The following ZDHHC14 variants were observed in gnomAD, a reference collection of about 807,000 sequenced individuals.
ZDHHC14 encodes zDHHC palmitoyltransferase 14.
A neutral mutation model predicts 47.7 loss-of-function variants in ZDHHC14; 16 were observed. The ratio of observed to expected loss-of-function variants is 0.34; its 90% CI spans 0.23 to 0.51. The LOEUF (loss-of-function observed/expected upper bound fraction) is 0.51, where lower values mean the gene tolerates loss of function less well. ZDHHC14 is among the 20% of genes least tolerant of loss of function. The probability of loss-of-function intolerance (pLI) is 0.97; values close to 1 mark genes in which losing one functional copy is unlikely to be tolerated. For synonymous variants in ZDHHC14, 293 were observed against 278.9 expected, an observed-to-expected ratio of 1.05 and a Z score of -0.50; for missense variants, 515 against 662.5, an observed-to-expected ratio of 0.78 and a Z score of 2.44.
At chr6:157,484,318 CAT>C (rs749902623) in intron 1 of ZDHHC14, among the ~76,000 whole-genome samples, 20 of 133,590 alleles carry the variant, frequency 1.5e-4, no homozygotes, top group South Asian at 9.3e-4. Context: ...TATATATACA[CAT>C]ATATATACGT....
chr6:157,515,460 T>TC (rs976247131), intron 1 of ZDHHC14, among the ~76,000 whole-genome samples: 1 of 143,362 alleles, frequency 7.0e-6, no homozygotes, highest in East Asian at 2.0e-4. Context: ...TCTTTTTCTT[T>TC]TTTTTTTTTT....
chr6:157,474,509 T>C (rs1779430992), intron 1 of ZDHHC14, among the ~76,000 whole-genome samples: 1 of 152,200 alleles, frequency 6.6e-6, no homozygotes, highest in South Asian at 2.1e-4. Context: ...TTATAATAGC[T>C]GTACTCATTT....
chr6:157,482,161 A>C (rs145487825), intron 1 of ZDHHC14, among the ~76,000 whole-genome samples: 2,332 of 152,340 alleles, frequency 0.015, 31 homozygotes, highest in Non-Finnish European at 0.023. Flanking sequence ...AATTGTTTCA[A>C]AATATAAACT....
At chr6:157,590,176 GC>G (rs1783854249) in intron 2 of ZDHHC14, among the ~76,000 whole-genome samples, 1 of 152,226 alleles carries the variant, frequency 6.6e-6, no homozygotes, top group Admixed American at 6.5e-5. Context: ...GCCAGATCAT[GC>G]AGCAGAAAAG....
chr6:157,409,833 A>AT (rs767890001), intron 1 of ZDHHC14, among the ~76,000 whole-genome samples: 2,791 of 146,578 alleles, frequency 0.019, 31 homozygotes, highest in African/African-American at 0.022. Flanking sequence ...TTATTATTTT[A>AT]TTTTTTGGGG....
chr6:157,485,158 C>T (rs1779747763), intron 1 of ZDHHC14, among the ~76,000 whole-genome samples: 1 of 152,128 alleles, frequency 6.6e-6, no homozygotes, highest in South Asian at 2.1e-4. Context: ...ATTATAGACT[C>T]TTGGACCTAG....
rs770871466 is a variant in ZDHHC14 at position 157,647,338 on chromosome 6, G to T, written c.935G>T (p.Cys312Phe). The change falls in exon 7 of 9, where the codon TGT becomes TTT. Residue 312 changes from cysteine to phenylalanine, a missense_variant. Cys to Phe is a radical substitution (Grantham distance 205, BLOSUM62 -2). Transcript: ENST00000359775. ...TACGGAAATATCTTTACCAACTGCT[G>T]TGTTGCCCTGTGTGGGCCCATCTCA... ...YSYGNIFTNC[C>F]VALCGPISPS... 1.2e-6 allele frequency: 2 copies of T among 1,614,092 alleles called. No homozygotes were observed. The highest frequency in any genetic ancestry group is 4.5e-5 in the East Asian group (2 of 44,878).
At position 157,497,425 on chromosome 6, in the gene ZDHHC14, G is replaced by T. The variant is rs148248081; in HGVS notation, c.246-45160G>T. Reference sequence around the variant, plus strand: ...TCTGTGAGTATTCCCGAAGGGCCATGATATATACAAAGTGGTAATAGTTTG... The same window carrying T: ...TCTGTGAGTATTCCCGAAGGGCCATTATATATACAAAGTGGTAATAGTTTG... On this transcript the variant is annotated intron_variant, in intron 1 of 8. Coordinates refer to ENST00000359775, the MANE Select transcript of ZDHHC14 (RefSeq NM_024630.3). Among the ~76,000 whole-genome samples, 80 of 152,320 alleles carry T rather than the reference G, an allele frequency of 5.3e-4. No homozygotes were observed. The East Asian group carries it at 0.015, about 28-fold the overall frequency.
At chr6:157,598,982 TA>T (rs1166692458) in intron 3 of ZDHHC14, among the ~76,000 whole-genome samples, 1 of 152,096 alleles carries the variant, frequency 6.6e-6, no homozygotes, top group Non-Finnish European at 1.5e-5. Context: ...GTAATGCTTT[TA>T]AAAAAAACTT....
chr6:157,469,477 C>T (rs919539884), intron 1 of ZDHHC14, among the ~76,000 whole-genome samples: 6 of 152,196 alleles, frequency 3.9e-5, no homozygotes, highest in African/African-American at 4.8e-5. Flanking sequence ...AGTTGAAAGA[C>T]GTCAGGCAGG....
At chr6:157,524,355 A>C (rs955166908) in intron 1 of ZDHHC14, among the ~76,000 whole-genome samples, 1 of 152,042 alleles carries the variant, frequency 6.6e-6, no homozygotes, top group Non-Finnish European at 1.5e-5. Flanking sequence ...GCTGGTCTCG[A>C]ACTCCTGACC....
chr6:157,604,935 A>G (rs1393656677), intron 3 of ZDHHC14, among the ~76,000 whole-genome samples: 1 of 152,230 alleles, frequency 6.6e-6, no homozygotes, highest in Non-Finnish European at 1.5e-5. Context: ...TATTGGAGTT[A>G]GGGAAGCAGA....
intron 1 of ZDHHC14, among the ~76,000 whole-genome samples, chr6:157,424,082 C>T (rs1778167641): frequency 6.6e-6 from 1 of 152,178 alleles, no homozygotes; most frequent in Non-Finnish European, 1.5e-5. Flanking sequence ...CTGTTCGCAC[C>T]CAAACCAAAT....
rs529186324 is a variant in ZDHHC14 at position 157,490,607 on chromosome 6, A to G, written c.246-51978A>G. 4.6e-5 allele frequency among the ~76,000 whole-genome samples: 7 copies of G among 152,372 alleles called. 2 individuals are homozygous for G. In the South Asian group the frequency reaches 1.5e-3, roughly 32 times the overall value. Reference sequence around the variant, plus strand: ...TGCTGAAAGCACGAATACACAGGAGAATTTCTGGCACAAGGATGAAGTCAA... The same window carrying G: ...TGCTGAAAGCACGAATACACAGGAGGATTTCTGGCACAAGGATGAAGTCAA... On this transcript the variant is annotated intron_variant, in intron 1 of 8. Transcript: ENST00000359775.
At chr6:157,394,173 G>A (rs1370631680) in intron 1 of ZDHHC14, among the ~76,000 whole-genome samples, 3 of 152,106 alleles carry the variant, frequency 2.0e-5, no homozygotes, top group African/African-American at 2.4e-5. Context: ...CCTACCCACC[G>A]CCATCAGGCT....
At chr6:157,410,761 A>T (rs186858914) in intron 1 of ZDHHC14, among the ~76,000 whole-genome samples, 2 of 152,012 alleles carry the variant, frequency 1.3e-5, no homozygotes. Context: ...CAGTGGCATG[A>T]TCTTGGTTCA....
At chr6:157,455,273 A>T (rs922784155) in intron 1 of ZDHHC14, among the ~76,000 whole-genome samples, 1 of 152,250 alleles carries the variant, frequency 6.6e-6, no homozygotes, top group African/African-American at 2.4e-5. Flanking sequence ...GATGTGAGGC[A>T]GCAGAAGTGC....
At chr6:157,445,164 T>TATCATC (rs113595524) in intron 1 of ZDHHC14, among the ~76,000 whole-genome samples, 2 of 142,648 alleles carry the variant, frequency 1.4e-5, no homozygotes, top group Non-Finnish European at 3.0e-5. Context: ...TCTATCTATC[T>TATCATC]ATCATCATCA....
intron 1 of ZDHHC14, among the ~76,000 whole-genome samples, chr6:157,484,590 G>GA (rs953084962): frequency 1.3e-5 from 2 of 149,880 alleles, no homozygotes; most frequent in East Asian, 1.9e-4. Context: ...TTTTCTAGGG[G>GA]AAAAAAAACC....
Sources: gnomAD v4.1 joint callset for allele counts (sites outside exome capture counted in the v4.1 genomes callset) on GRCh38, gnomAD v4.1.1 for gene constraint, MANE v1.5 for transcripts, NCBI Gene and HGNC (gene_info 2026-07-23, HGNC 2026-07-21) for gene names.